The following PPARGC1A variants were observed in gnomAD, a reference collection of about 807,000 sequenced individuals.
The protein encoded by PPARGC1A is PPARG coactivator 1 alpha, also known as peroxisome proliferator-activated receptor gamma coactivator 1-alpha.
PPARGC1A carries 25 observed loss-of-function variants against 88.7 expected under a neutral mutation model. The observed-to-expected ratio is 0.28, with a 90% CI of 0.21 to 0.39. The LOEUF (loss-of-function observed/expected upper bound fraction) is 0.39, where lower values mean the gene tolerates loss of function less well. Ranked by LOEUF, PPARGC1A falls within the 10% of genes least tolerant of loss-of-function variation. The probability of loss-of-function intolerance (pLI) is 1.00; values close to 1 mark genes in which losing one functional copy is unlikely to be tolerated. For missense variants in PPARGC1A, 880 were observed against 968.7 expected (o/e 0.91, Z 1.22); for synonymous variants, 363 against 355.6 (o/e 1.02, Z -0.24).
the PPARGC1A span, among the ~76,000 whole-genome samples, chr4:23,999,003 T>C: frequency 6.6e-6 from 1 of 152,240 alleles, no homozygotes; most frequent in Non-Finnish European, 1.5e-5. Context: ...TGAATACATA[T>C]TTATTTATTA....
the PPARGC1A span, among the ~76,000 whole-genome samples, chr4:24,003,774 G>T: frequency 6.6e-6 from 1 of 151,554 alleles, no homozygotes; most frequent in Non-Finnish European, 1.5e-5. Flanking sequence ...ATAGCAACAG[G>T]AAGTGAATGA....
chr4:24,451,995 T>C, the PPARGC1A span, among the ~76,000 whole-genome samples: 3 of 152,202 alleles, frequency 2.0e-5, no homozygotes, highest in African/African-American at 7.2e-5. Flanking sequence ...TTTAAACTAT[T>C]GGACTTTGAG....
At chr4:23,808,616 C>A (rs1373056648) in intron 10 of PPARGC1A, among the ~76,000 whole-genome samples, 1 of 152,134 alleles carries the variant, frequency 6.6e-6, no homozygotes, top group Non-Finnish European at 1.5e-5. Flanking sequence ...TGAATTATTT[C>A]AAGCTTACGA....
the PPARGC1A span, among the ~76,000 whole-genome samples, chr4:24,194,943 G>A: frequency 7.2e-5 from 11 of 152,132 alleles, no homozygotes; most frequent in Non-Finnish European, 1.3e-4. Flanking sequence ...ATTCTTCCTG[G>A]TTTGCCCAGT....
the PPARGC1A span, among the ~76,000 whole-genome samples, chr4:24,049,841 G>A: frequency 2.0e-5 from 3 of 152,090 alleles, no homozygotes; most frequent in Non-Finnish European, 4.4e-5. Context: ...TGCCACCTAG[G>A]AATTCCAGCA....
chr4:24,422,578 G>C, the PPARGC1A span, among the ~76,000 whole-genome samples: 3 of 149,698 alleles, frequency 2.0e-5, no homozygotes, highest in Non-Finnish European at 4.4e-5. Flanking sequence ...TACACCCTGA[G>C]CTACATAGTA....
chr4:24,044,561 G>A, the PPARGC1A span, among the ~76,000 whole-genome samples: 1 of 152,118 alleles, frequency 6.6e-6, no homozygotes, highest in African/African-American at 2.4e-5. Flanking sequence ...TCTGCCAAAA[G>A]ATGGCGTCTT....
chr4:24,338,874 T>C, the PPARGC1A span, among the ~76,000 whole-genome samples: 9 of 152,158 alleles, frequency 5.9e-5, no homozygotes, highest in African/African-American at 2.2e-4. Flanking sequence ...TCTCATTGTT[T>C]ACAATCAGTT....
the PPARGC1A span, among the ~76,000 whole-genome samples, chr4:24,088,584 A>G: frequency 6.6e-6 from 1 of 152,170 alleles, no homozygotes; most frequent in Admixed American, 6.5e-5. Flanking sequence ...ATTGGTACAA[A>G]ATAAATAAAT....
the PPARGC1A span, among the ~76,000 whole-genome samples, chr4:24,193,444 G>A: frequency 2.0e-5 from 3 of 152,102 alleles, no homozygotes; most frequent in African/African-American, 4.8e-5. Flanking sequence ...TCCCTAGAAG[G>A]GCATCGTGGC....
At chr4:24,384,216 A>C in the PPARGC1A span, among the ~76,000 whole-genome samples, 2 of 152,208 alleles carry the variant, frequency 1.3e-5, no homozygotes, top group Non-Finnish European at 2.9e-5. Context: ...TCTGCCTTAC[A>C]AGAGCTCATG....
At chr4:24,372,129 C>A in the PPARGC1A span, among the ~76,000 whole-genome samples, 6 of 152,142 alleles carry the variant, frequency 3.9e-5, no homozygotes, top group African/African-American at 1.4e-4. Flanking sequence ...TCCATTCACC[C>A]CAGACAGCCA....
chr4:23,828,210 T>A (rs1232833901), intron 5 of PPARGC1A, among the ~76,000 whole-genome samples, 190 bp downstream of exon 5: 1 of 152,174 alleles, frequency 6.6e-6, no homozygotes, highest in Non-Finnish European at 1.5e-5. Context: ...GCCTATCAGC[T>A]GAATAGAATA....
the PPARGC1A span, among the ~76,000 whole-genome samples, chr4:24,058,812 G>T: frequency 6.6e-6 from 1 of 152,128 alleles, no homozygotes; most frequent in Non-Finnish European, 1.5e-5. Context: ...GGGCGTGGTG[G>T]TGCACACCTG....
the PPARGC1A span, among the ~76,000 whole-genome samples, chr4:23,932,592 A>G: frequency 6.6e-6 from 1 of 152,214 alleles, no homozygotes; most frequent in African/African-American, 2.4e-5. Flanking sequence ...GGAAAAAACG[A>G]AGTAGTGTTT....
the PPARGC1A span, among the ~76,000 whole-genome samples, chr4:24,017,784 A>G: frequency 8.5e-3 from 1,292 of 152,306 alleles, 13 homozygotes; most frequent in Middle Eastern, 0.048. Flanking sequence ...TATTATTCCT[A>G]GGATTAAATA....
chr4:24,168,042 A>G, the PPARGC1A span, among the ~76,000 whole-genome samples: 1 of 152,236 alleles, frequency 6.6e-6, no homozygotes, highest in Non-Finnish European at 1.5e-5. Flanking sequence ...GGCATGAGCC[A>G]CCACACTCAG....
chr4:24,371,355 G>A, the PPARGC1A span, among the ~76,000 whole-genome samples: 1 of 152,078 alleles, frequency 6.6e-6, no homozygotes, highest in Non-Finnish European at 1.5e-5. Flanking sequence ...GATCTATCAG[G>A]AACCATTTTA....
chr4:24,422,642 A>G, the PPARGC1A span, among the ~76,000 whole-genome samples: 1,576 of 152,236 alleles, frequency 0.01, 20 homozygotes, highest in African/African-American at 0.036. Context: ...AAAAAAAAAA[A>G]AAGCTATTTG....
Sources: gnomAD v4.1 joint callset for allele counts (sites outside exome capture counted in the v4.1 genomes callset) on GRCh38, gnomAD v4.1.1 for gene constraint, MANE v1.5 for transcripts, NCBI Gene and HGNC (gene_info 2026-07-23, HGNC 2026-07-21) for gene names.